Variants in CLHC1 observed in about 807,000 individuals in gnomAD.
CLHC1 encodes clathrin heavy chain linker domain containing 1, also known as clathrin heavy chain linker domain-containing protein 1.
A neutral mutation model predicts 69.5 loss-of-function variants in CLHC1; 72 were observed. The observed-to-expected ratio is 1.04, with a 90% CI of 0.86 to 1.26. CLHC1 has a LOEUF of 1.26. Among genes scored for constraint, CLHC1 ranks in the 50% most tolerant of loss-of-function variants. CLHC1 has a pLI of 0.00. For synonymous variants in CLHC1, 223 were observed against 224.3 expected (o/e 0.99, Z 0.05); for missense variants, 790 against 679.3 (o/e 1.16, Z -1.81).
In CLHC1 at chr2:55,223,432, G is replaced by C. The variant is rs547211097; in HGVS notation, c.-82-939C>G. Among the ~76,000 whole-genome samples, 4 of 152,186 alleles carry C rather than the reference G, an allele frequency of 2.6e-5. No individual in the cohort carries two copies. In the East Asian group the frequency reaches 5.8e-4, roughly 22 times the overall value. Reference sequence around the variant, plus strand: ...GAATCATGGGCGGCGGCGGCCTGGCGGGGGCGAGCGCGCTGTGGGCCGGCC... The same window carrying C: ...GAATCATGGGCGGCGGCGGCCTGGCCGGGGCGAGCGCGCTGTGGGCCGGCC... On this transcript the variant is annotated intron_variant, in intron 2 of 12. Coordinates refer to ENST00000401408, the MANE Select transcript of CLHC1 (RefSeq NM_152385.4).
intron 9 of CLHC1, among the ~76,000 whole-genome samples, chr2:55,187,638 T>C (rs1419352606): frequency 6.6e-6 from 1 of 150,958 alleles, no homozygotes; most frequent in African/African-American, 2.4e-5. Context: ...TAAAGAAAAA[T>C]ACTGAACTCC....
chr2:55,182,106 G>A (rs571096305), intron 9 of CLHC1, among the ~76,000 whole-genome samples: 5 of 152,026 alleles, frequency 3.3e-5, no homozygotes, highest in South Asian at 2.1e-4. Flanking sequence ...AACTGTGAGC[G>A]AATATATTTT....
intron 1 of CLHC1, among the ~76,000 whole-genome samples, chr2:55,229,735 G>C (rs1461040797): frequency 6.6e-6 from 1 of 152,198 alleles, no homozygotes; most frequent in Non-Finnish European, 1.5e-5. Context: ...GAAGCCTTTA[G>C]AGGCCTGTGT....
intron 2 of CLHC1, among the ~76,000 whole-genome samples, chr2:55,223,693 C>T (rs980527751): frequency 1.3e-5 from 2 of 152,156 alleles, no homozygotes; most frequent in Non-Finnish European, 2.9e-5. Flanking sequence ...TCAGCGGTCC[C>T]TGCTCACAGG....
Position 55,173,165 on chromosome 2 carries a change from C to T in CLHC1, c.*2625G>A, listed in dbSNP as rs1669100241. 1.3e-5 allele frequency among the ~76,000 whole-genome samples: 2 copies of T among 152,168 alleles called. No homozygotes were observed. The highest frequency in any genetic ancestry group is 2.4e-5 in the African/African-American group (1 of 41,434). On this transcript the variant is annotated 3_prime_UTR_variant, in exon 13 of 13. Transcript: ENST00000401408. ...CAAGAGGAAAAAAGGAGAGAAGACA[C>T]GCTCAAGACAGCAAGACCTAATAGA...
rs372654409 is a variant in CLHC1, at chr2:55,209,649, T to C, written c.682A>G (p.Asn228Asp). 2 of 1,613,934 alleles carry C rather than the reference T, an allele frequency of 1.2e-6. No homozygotes were observed. Among genetic ancestry groups the C allele is most frequent in the African/African-American group, 1.3e-5 (1 of 74,940 alleles). The change falls in exon 6 of 13, where the codon AAC becomes GAC. Residue 228 changes from asparagine (N) to aspartate (D), a missense_variant. Transcript: ENST00000401408. ...LKRRDVAENLNKKLQFCHQRL... is the reference protein window; with the variant it reads ...LKRRDVAENLDKKLQFCHQRL... ...CCATACCAAAACTGCAATTTTTTGT[T>C]CAGATTTTCAGCTACATCTCGCCGT...
At chr2:55,190,393 A>C (rs1222416501) in intron 9 of CLHC1, among the ~76,000 whole-genome samples, 1 of 152,154 alleles carries the variant, frequency 6.6e-6, no homozygotes, top group African/African-American at 2.4e-5. Flanking sequence ...AACTTGCAAA[A>C]AAGCAAGAAA....
intron 9 of CLHC1, among the ~76,000 whole-genome samples, chr2:55,186,394 C>T (rs1670415183): frequency 6.6e-6 from 1 of 152,098 alleles, no homozygotes; most frequent in African/African-American, 2.4e-5. Context: ...AGTTAGGATA[C>T]CCAATAATCT....
At chr2:55,219,965 G>A (rs959928791) in intron 3 of CLHC1, among the ~76,000 whole-genome samples, 1 of 152,042 alleles carries the variant, frequency 6.6e-6, no homozygotes, top group Admixed American at 6.5e-5. Context: ...CAAACTCCTG[G>A]CCTCAAGCGA....
At position 55,174,029 on chromosome 2, in the gene CLHC1, A is replaced by T. The variant is rs1035919755; in HGVS notation, c.*1761T>A. On this transcript the variant is annotated 3_prime_UTR_variant, in exon 13 of 13. Coordinates refer to ENST00000401408, the MANE Select transcript of CLHC1 (RefSeq NM_152385.4). ...TCTCAAAGGAAAAAAAAAAAAAAAA[A>T]GGTTTTAAGCCGTTGGCACACAAAG... 2.2e-5 allele frequency among the ~76,000 whole-genome samples: 3 copies of T among 134,426 alleles called. No homozygotes were observed. Among genetic ancestry groups the T allele is most frequent in the Non-Finnish European group, 4.8e-5 (3 of 61,902 alleles). 88.2% of individuals were successfully genotyped at this position (134,426 alleles called of 152,430 possible). A position where few individuals can be genotyped will look rare whatever the true frequency, so the allele number is the denominator to read the frequency against.
intron 1 of CLHC1, among the ~76,000 whole-genome samples, chr2:55,229,148 C>CT (rs1267221139): frequency 7.8e-5 from 1 of 12,864 alleles, no homozygotes; most frequent in Non-Finnish European, 1.3e-4. Context: ...GAGATTCTGT[C>CT]TCAAAAAAAA....
chr2:55,229,752 G>A (rs1272036962), intron 1 of CLHC1, among the ~76,000 whole-genome samples: 1 of 152,214 alleles, frequency 6.6e-6, no homozygotes, highest in East Asian at 1.9e-4. Context: ...GTGTGCAGAA[G>A]AGTGGGAGAG....
chr2:55,207,104 G>C lies in CLHC1; in HGVS notation c.900-728C>G, dbSNP rs1027125005. On this transcript the variant is annotated intron_variant, in intron 8 of 12. Transcript: ENST00000401408. ...CACTCCAGCCTGGGCGACAGAGTGA[G>C]ACTCCGTCTGAAAAAAAAAAAAATG... Among the ~76,000 whole-genome samples the C allele has an allele frequency of 5.3e-5, 8 of 151,434 alleles. No individual in the cohort carries two copies. The South Asian group carries it at 1.5e-3, about 28-fold the overall frequency.
intron 9 of CLHC1, among the ~76,000 whole-genome samples, chr2:55,182,815 G>GCCTTTTCA (rs1670053043): frequency 6.6e-6 from 1 of 152,020 alleles, no homozygotes; most frequent in South Asian, 2.1e-4. Context: ...GGCTCTCTCA[G>GCCTTTTCA]AGAGGTCTGC....
rs1428178858 is a variant in CLHC1, at chr2:55,217,914, C to G, written c.262G>C (p.Asp88His). The change falls in exon 4 of 13, where the codon GAC becomes CAC. Residue 88 changes from aspartate to histidine, a missense_variant. Coordinates refer to ENST00000401408, the MANE Select transcript of CLHC1 (RefSeq NM_152385.4). ...TGAAGACAAAATGTAGTTCTTCGGTCTTTCTTTATTGTCTCAATAAAGGCA... is the reference window on the plus strand; with the variant it reads ...TGAAGACAAAATGTAGTTCTTCGGTGTTTCTTTATTGTCTCAATAAAGGCA... ...YDAFIETIKKDRRTTFCLHGK... is the reference protein window; with the variant it reads ...YDAFIETIKKHRRTTFCLHGK... 6.2e-7 allele frequency: 1 copy of G among 1,601,948 alleles called. No individual in the cohort carries two copies. Among genetic ancestry groups the G allele is most frequent in the African/African-American group, 1.3e-5 (1 of 74,170 alleles).
In CLHC1 at chr2:55,177,665, A is replaced by G; in HGVS notation, c.1501T>C (p.Phe501Leu). Residue 501 changes from phenylalanine to leucine, a missense_variant, in exon 12 of 13, where the codon TTC (phenylalanine) becomes CTC (leucine). Coordinates refer to ENST00000401408, the MANE Select transcript of CLHC1 (RefSeq NM_152385.4). ...CCAACTTTTTTCATGTCTGCAGAGA[A>G]CAGATGAAGTATAGCAAGACCAAAA... The part of the protein sequence containing the change: ...LSFGLAILHL[F>L]SADMKKVGIK... 2 of 1,612,978 alleles carry G rather than the reference A, an allele frequency of 1.2e-6. No individual in the cohort carries two copies. Among genetic ancestry groups the G allele is most frequent in the Non-Finnish European group, 1.7e-6 (2 of 1,179,210 alleles).
chr2:55,186,390 G>C (rs1278674629), intron 9 of CLHC1, among the ~76,000 whole-genome samples: 1 of 152,130 alleles, frequency 6.6e-6, no homozygotes, highest in Non-Finnish European at 1.5e-5. Context: ...CATGAGTTAG[G>C]ATACCCAATA....
chr2:55,229,367 T>C (rs946149564), intron 1 of CLHC1, among the ~76,000 whole-genome samples: 15 of 152,022 alleles, frequency 9.9e-5, no homozygotes, highest in Non-Finnish European at 2.1e-4. Context: ...AAATAGCAGG[T>C]CATGTAGATT....
chr2:55,208,110 T>G (rs1672618228), intron 8 of CLHC1, among the ~76,000 whole-genome samples: 1 of 152,166 alleles, frequency 6.6e-6, no homozygotes, highest in African/African-American at 2.4e-5. Context: ...CTCAAAAACA[T>G]TTTGTAACAT....
Sources: allele counts gnomAD v4.1 joint callset (sites outside exome capture counted in the v4.1 genomes callset), GRCh38; gene constraint gnomAD v4.1.1; transcripts MANE v1.5; gene names NCBI Gene and HGNC (gene_info 2026-07-23, HGNC 2026-07-21).